Variants in NR3C2 observed in about 807,000 individuals in gnomAD.
NR3C2 encodes mineralocorticoid receptor.
NR3C2 carries 15 observed loss-of-function variants against 86.4 expected under a neutral mutation model. The observed-to-expected ratio is 0.17, with a 90% CI of 0.12 to 0.27. NR3C2 has a LOEUF of 0.27. Among genes scored for constraint, NR3C2 ranks in the 10% least tolerant of loss-of-function variants. NR3C2 has a pLI of 1.00. For missense variants in NR3C2, 960 were observed against 1,195.6 expected, an observed-to-expected ratio of 0.80 and a Z score of 2.91; for synonymous variants, 458 against 450.5, an observed-to-expected ratio of 1.02 and a Z score of -0.21.
chr4:148,263,438 C>A (rs1403971126), intron 2 of NR3C2, among the ~76,000 whole-genome samples: 1 of 152,190 alleles, frequency 6.6e-6, no homozygotes, highest in Admixed American at 6.5e-5. Context: ...CTGTTGGTAA[C>A]ACTGGTTCAG....
intron 2 of NR3C2, among the ~76,000 whole-genome samples, chr4:148,356,506 T>C (rs1189873497): frequency 6.6e-6 from 1 of 152,218 alleles, no homozygotes; most frequent in East Asian, 1.9e-4. Flanking sequence ...TATGCTATAC[T>C]GTATTAAGCC....
chr4:148,188,612 T>C (rs780205086), intron 4 of NR3C2, among the ~76,000 whole-genome samples: 13 of 152,178 alleles, frequency 8.5e-5, no homozygotes, highest in Non-Finnish European at 1.9e-4. Context: ...AATTCTTTTA[T>C]CAGTTCTAGG....
intron 4 of NR3C2, among the ~76,000 whole-genome samples, chr4:148,171,169 C>T (rs888446207): frequency 6.6e-6 from 1 of 152,332 alleles, no homozygotes; most frequent in East Asian, 1.9e-4. Context: ...CCCCAAGCGT[C>T]GACTTCCTGC....
intron 8 of NR3C2, among the ~76,000 whole-genome samples, chr4:148,109,046 C>T (rs552837409): frequency 4.3e-4 from 65 of 152,292 alleles, no homozygotes; most frequent in African/African-American, 1.4e-3. Flanking sequence ...ATAATGGCAG[C>T]GTCCGGAGCA....
At chr4:148,294,563 T>C (rs1266983878) in intron 2 of NR3C2, among the ~76,000 whole-genome samples, 1 of 152,086 alleles carries the variant, frequency 6.6e-6, no homozygotes, top group Non-Finnish European at 1.5e-5. Flanking sequence ...TCCTATTTTC[T>C]ATAGTAATTT....
chr4:148,173,383 G>C (rs933995181), intron 4 of NR3C2, among the ~76,000 whole-genome samples: 1 of 152,174 alleles, frequency 6.6e-6, no homozygotes. Context: ...TCCTTATTGG[G>C]GAAAGATGGA....
intron 2 of NR3C2, among the ~76,000 whole-genome samples, chr4:148,326,633 A>G: frequency 6.6e-6 from 1 of 151,786 alleles, no homozygotes. Flanking sequence ...TTAAAAGTCC[A>G]ACTCTTCAAG....
At chr4:148,333,130 G>A (rs1744310252) in intron 2 of NR3C2, among the ~76,000 whole-genome samples, 1 of 152,080 alleles carries the variant, frequency 6.6e-6, no homozygotes, top group South Asian at 2.1e-4. Flanking sequence ...AATTAGCCAG[G>A]CATGGTGATA....
chr4:148,432,816 A>G (rs1245421163), intron 2 of NR3C2, among the ~76,000 whole-genome samples: 1 of 152,156 alleles, frequency 6.6e-6, no homozygotes, highest in Non-Finnish European at 1.5e-5. Flanking sequence ...AAAACAACTA[A>G]ATTTCCTCTG....
chr4:148,231,200 A>G (rs1738442789), intron 3 of NR3C2, among the ~76,000 whole-genome samples: 1 of 152,214 alleles, frequency 6.6e-6, no homozygotes, highest in Non-Finnish European at 1.5e-5. Context: ...AAATTCTCTA[A>G]TGCATGTAAG....
intron 2 of NR3C2, among the ~76,000 whole-genome samples, chr4:148,302,846 C>CAAA (rs35574035): frequency 6.1e-4 from 54 of 88,510 alleles, no homozygotes; most frequent in African/African-American, 1.3e-3. Context: ...AACTCCGTCT[C>CAAA]AAAAAAAAAA....
chr4:148,301,349 CAACCTT>C (rs1353126481), intron 2 of NR3C2, among the ~76,000 whole-genome samples: 1 of 152,126 alleles, frequency 6.6e-6, no homozygotes, highest in Admixed American at 6.5e-5. Flanking sequence ...GAAGTAAAAA[CAACCTT>C]AAGATTATGG....
chr4:148,194,801 C>T lies in NR3C2; in HGVS notation c.1959G>A (p.Lys653=). The change falls in exon 4 of 9, where the codon AAG becomes AAA. Residue 653 remains lysine, a synonymous_variant. Coordinates refer to ENST00000358102, the MANE Select transcript of NR3C2 (RefSeq NM_000901.5). ...NDCIIDKIRR[K]NCPACRLQKC... The stretch of plus-strand genomic sequence containing the variant: ...TCTGAAGTCTGCAAGCAGGACAATT[C>T]TTTCGTCGAATCTTATCAATGATGC... 1 of 1,612,624 alleles carries T rather than the reference C, an allele frequency of 6.2e-7. No homozygotes were observed.
intron 3 of NR3C2, among the ~76,000 whole-genome samples, chr4:148,228,072 G>A (rs767047605): frequency 3.3e-5 from 5 of 152,138 alleles, no homozygotes; most frequent in African/African-American, 4.8e-5. Flanking sequence ...TTCACATAAA[G>A]AGACACACAT....
chr4:148,382,021 T>A (rs748186447), intron 2 of NR3C2, among the ~76,000 whole-genome samples: 3 of 152,118 alleles, frequency 2.0e-5, no homozygotes, highest in Non-Finnish European at 4.4e-5. Context: ...CTCCACCCAA[T>A]AGACACAGCA....
chr4:148,340,225 C>G (rs1244858359), intron 2 of NR3C2, among the ~76,000 whole-genome samples: 1 of 152,080 alleles, frequency 6.6e-6, no homozygotes, highest in African/African-American at 2.4e-5. Flanking sequence ...GCAAAAAGAA[C>G]AGAAGGGGAG....
chr4:148,290,574 A>C (rs888975862), intron 2 of NR3C2, among the ~76,000 whole-genome samples: 2 of 152,234 alleles, frequency 1.3e-5, no homozygotes, highest in Admixed American at 6.5e-5. Flanking sequence ...GGGCCCAGGA[A>C]AAAACAACTT....
intron 2 of NR3C2, among the ~76,000 whole-genome samples, chr4:148,296,833 A>G (rs2149915731): frequency 6.6e-6 from 1 of 152,366 alleles, no homozygotes; most frequent in South Asian, 2.1e-4. Flanking sequence ...CAAAAATTTA[A>G]GAGACATTAA....
intron 2 of NR3C2, among the ~76,000 whole-genome samples, chr4:148,432,489 A>G (rs1749840593): frequency 6.6e-6 from 1 of 152,160 alleles, no homozygotes; most frequent in African/African-American, 2.4e-5. Context: ...TTAACAAAGC[A>G]TGATTTCTGA....
Sources: allele counts gnomAD v4.1 joint callset (sites outside exome capture counted in the v4.1 genomes callset), GRCh38; gene constraint gnomAD v4.1.1; transcripts MANE v1.5; gene names NCBI Gene and HGNC (gene_info 2026-07-23, HGNC 2026-07-21).